CHCHD3: variants seen among roughly 807,000 people sequenced by gnomAD.
The protein encoded by CHCHD3 is MICOS complex subunit MIC19.
Under a neutral mutation model 38.2 loss-of-function variants are expected in CHCHD3, and 20 were observed. That is an observed-to-expected ratio of 0.52 (90% CI 0.37 to 0.76). CHCHD3 has a LOEUF of 0.76. Among genes scored for constraint, CHCHD3 ranks in the 30% least tolerant of loss-of-function variants. CHCHD3 has a pLI of 0.00. For missense variants in CHCHD3, 245 were observed against 279.2 expected (o/e 0.88, Z 0.87); for synonymous variants, 82 against 100.0 (o/e 0.82, Z 1.07).
At chr7:132,914,123 CGTGTGTGTGTGTGT>C (rs200561468) in intron 4 of CHCHD3, among the ~76,000 whole-genome samples, 384 of 132,288 alleles carry the variant, frequency 2.9e-3, no homozygotes, top group African/African-American at 9.4e-3. Context: ...CCATGCCTGG[CGTGTGTGTGTGTGT>C]GTGTGTGTGT....
intron 2 of CHCHD3, chr7:133,034,514 T>TTC: frequency 1.6e-4 from 77 of 471,158 alleles, no homozygotes; most frequent in South Asian, 5.5e-4. Context: ...CAGTCTTTTT[T>TTC]TTTTTTTTTT....
intron 3 of CHCHD3, among the ~76,000 whole-genome samples, chr7:133,014,266 A>C (rs964467028): frequency 6.6e-6 from 1 of 151,778 alleles, no homozygotes; most frequent in Non-Finnish European, 1.5e-5. Flanking sequence ...TACATGGTTA[A>C]TCTGTGTTTT....
At chr7:132,872,598 G>T (rs939674477) in intron 5 of CHCHD3, among the ~76,000 whole-genome samples, 1 of 152,130 alleles carries the variant, frequency 6.6e-6, no homozygotes, top group Non-Finnish European at 1.5e-5. Context: ...CGCTATAGCC[G>T]TACTAATTAA....
chr7:132,925,129 A>G (rs1368842353), intron 4 of CHCHD3, among the ~76,000 whole-genome samples: 2 of 152,190 alleles, frequency 1.3e-5, no homozygotes, highest in South Asian at 4.1e-4. Context: ...TTCTCAAAAC[A>G]CAAAACAATC....
intron 4 of CHCHD3, chr7:132,973,014 A>G (rs1301271990): frequency 3.0e-6 from 3 of 985,206 alleles, no homozygotes; most frequent in African/African-American, 1.7e-5. Flanking sequence ...ATGTTGAGTA[A>G]CAAATCTTTT....
At chr7:132,975,079 C>T (rs1811726121) in intron 4 of CHCHD3, 90 bp downstream of exon 4, 4 of 1,000,430 alleles carry the variant, frequency 4.0e-6, no homozygotes, top group South Asian at 2.8e-5. Context: ...ATTATCAACA[C>T]TAAAAGCTGG....
chr7:133,032,248 C>T (rs554217657), intron 2 of CHCHD3, among the ~76,000 whole-genome samples: 5 of 152,304 alleles, frequency 3.3e-5, no homozygotes, highest in African/African-American at 1.2e-4. Flanking sequence ...GTTACCTTCA[C>T]CATCCTATAA....
chr7:133,057,294 G>A (rs1814369213), intron 2 of CHCHD3, among the ~76,000 whole-genome samples: 2 of 152,174 alleles, frequency 1.3e-5, no homozygotes, highest in African/African-American at 4.8e-5. Flanking sequence ...AGGCTCAATG[G>A]CTCATGCCTA....
intron 6 of CHCHD3, among the ~76,000 whole-genome samples, chr7:132,826,175 C>CTCAGAT (rs1166510640): frequency 1.3e-5 from 2 of 152,152 alleles, no homozygotes; most frequent in African/African-American, 4.8e-5. Context: ...CTTGTGTAAT[C>CTCAGAT]TCAGATGCTC....
intron 3 of CHCHD3, among the ~76,000 whole-genome samples, chr7:133,021,089 A>C (rs1008335858): frequency 1.3e-5 from 2 of 152,128 alleles, no homozygotes; most frequent in Non-Finnish European, 2.9e-5. Context: ...AAATATCTCC[A>C]AACATTGTCA....
At chr7:132,873,414 AT>A (rs57694292) in intron 5 of CHCHD3, among the ~76,000 whole-genome samples, 75,035 of 128,892 alleles carry the variant, frequency 0.58, 20,836 homozygotes, top group Non-Finnish European at 0.67. Flanking sequence ...TTCATGGTAA[AT>A]TTTTTTTTTT....
At chr7:132,791,748 A>G (rs1806465620) in intron 7 of CHCHD3, among the ~76,000 whole-genome samples, 1 of 152,230 alleles carries the variant, frequency 6.6e-6, no homozygotes, top group Non-Finnish European at 1.5e-5. Flanking sequence ...TTGACTTAGG[A>G]AGCCAACCAA....
chr7:132,901,728 T>G (rs1484747418), intron 4 of CHCHD3, among the ~76,000 whole-genome samples: 5 of 152,208 alleles, frequency 3.3e-5, no homozygotes, highest in Non-Finnish European at 7.3e-5. Context: ...CTTTGTCAGA[T>G]AAGTAGATTG....
At chr7:132,950,306 A>G (rs1241101297) in intron 4 of CHCHD3, among the ~76,000 whole-genome samples, 2 of 152,166 alleles carry the variant, frequency 1.3e-5, no homozygotes, top group Admixed American at 6.6e-5. Flanking sequence ...TGTACCCCCC[A>G]GTCCAAAATA....
intron 5 of CHCHD3, among the ~76,000 whole-genome samples, chr7:132,847,809 A>G (rs2032948): frequency 0.53 from 79,951 of 151,982 alleles, 21,154 homozygotes; most frequent in South Asian, 0.6. Context: ...GATCATACCC[A>G]TCGCATGTAC....
At chr7:132,980,017 GCC>G (rs1476437185) in intron 3 of CHCHD3, among the ~76,000 whole-genome samples, 2 of 152,076 alleles carry the variant, frequency 1.3e-5, no homozygotes, top group African/African-American at 4.8e-5. Context: ...TTCCTCTCTG[GCC>G]CCTTGGTTTT....
At chr7:133,061,871 G>A (rs140281290) in intron 2 of CHCHD3, among the ~76,000 whole-genome samples, 5 of 152,272 alleles carry the variant, frequency 3.3e-5, no homozygotes, top group East Asian at 3.9e-4. Flanking sequence ...ATGGGTTCCC[G>A]AGGCTTTTCA....
intron 4 of CHCHD3, among the ~76,000 whole-genome samples, chr7:132,888,891 C>A (rs1204363416): frequency 6.6e-6 from 1 of 151,784 alleles, no homozygotes; most frequent in Admixed American, 6.6e-5. Flanking sequence ...AAGGGAGGGA[C>A]AGAGAAGGTT....
intron 2 of CHCHD3, among the ~76,000 whole-genome samples, chr7:133,061,240 G>T (rs1187232928): frequency 3.3e-5 from 5 of 152,050 alleles, no homozygotes; most frequent in Non-Finnish European, 5.9e-5. Context: ...ATAGACCGGG[G>T]AATGCAAGAC....
Sources: allele counts gnomAD v4.1 joint callset (sites outside exome capture counted in the v4.1 genomes callset), GRCh38; gene constraint gnomAD v4.1.1; transcripts MANE v1.5; gene names NCBI Gene and HGNC (gene_info 2026-07-23, HGNC 2026-07-21).